The following SLC35F4 variants were observed in gnomAD, a reference collection of about 807,000 sequenced individuals.
SLC35F4 encodes solute carrier family 35 member F4.
Under a neutral mutation model 44.2 loss-of-function variants are expected in SLC35F4, and 24 were observed. The ratio of observed to expected loss-of-function variants is 0.54; its 90% CI spans 0.39 to 0.76. SLC35F4 has a LOEUF of 0.76. Among genes scored for constraint, SLC35F4 ranks in the 30% least tolerant of loss-of-function variants. The pLI, the probability that SLC35F4 is intolerant of heterozygous loss-of-function variation, is 0.00. For missense variants in SLC35F4, 562 were observed against 586.1 expected, an observed-to-expected ratio of 0.96 and a Z score of 0.42; for synonymous variants, 238 against 223.6, an observed-to-expected ratio of 1.06 and a Z score of -0.57.
At chr14:57,823,245 C>T (rs371804072) in intron 1 of SLC35F4, among the ~76,000 whole-genome samples, 1 of 152,168 alleles carries the variant, frequency 6.6e-6, no homozygotes. Context: ...TCCCTTTTCT[C>T]TCCCCTTCTG....
At chr14:57,718,245 T>C (rs1477558866) in intron 1 of SLC35F4, among the ~76,000 whole-genome samples, 1 of 152,234 alleles carries the variant, frequency 6.6e-6, no homozygotes, top group East Asian at 1.9e-4. Context: ...CATTCCTCTG[T>C]TGATGGACAT....
At chr14:57,841,743 C>A (rs1885503293) in intron 1 of SLC35F4, among the ~76,000 whole-genome samples, 1 of 152,072 alleles carries the variant, frequency 6.6e-6, no homozygotes, top group Non-Finnish European at 1.5e-5. Flanking sequence ...AAACTACAAG[C>A]CACGTAGATC....
At chr14:57,974,424 A>C (rs1210668214), downstream of SLC35F4, among the ~76,000 whole-genome samples, 1 of 152,232 alleles carries the variant, frequency 6.6e-6, no homozygotes, top group Non-Finnish European at 1.5e-5. Context: ...CAGATTCAAA[A>C]GATGGGGAGT....
intron 1 of SLC35F4, among the ~76,000 whole-genome samples, chr14:57,790,934 C>A (rs145860799): frequency 6.6e-6 from 1 of 152,018 alleles, no homozygotes; most frequent in South Asian, 2.1e-4. Flanking sequence ...TAGCCGTATG[C>A]GGAAAACTGA....
intron 1 of SLC35F4, among the ~76,000 whole-genome samples, chr14:57,612,592 G>T (rs983765944): frequency 6.6e-6 from 1 of 152,102 alleles, no homozygotes; most frequent in Admixed American, 6.6e-5. Context: ...AATAGTCAGG[G>T]CTCTGTCTTA....
At chr14:57,649,050 G>A (rs2073669261) in intron 1 of SLC35F4, among the ~76,000 whole-genome samples, 1 of 152,060 alleles carries the variant, frequency 6.6e-6, no homozygotes, top group South Asian at 2.1e-4. Flanking sequence ...CTTTCAAGTG[G>A]CACTTAAGAT....
At chr14:57,866,888 C>CAA (rs937662917), upstream of SLC35F4, among the ~76,000 whole-genome samples, 9 of 151,260 alleles carry the variant, frequency 6.0e-5, no homozygotes, top group African/African-American at 2.2e-4. Flanking sequence ...GCCAGAGACC[C>CAA]AATGGGTTAG....
At chr14:57,980,456 G>A (rs900799109) in intron 1 of SLC35F4, among the ~76,000 whole-genome samples, 2 of 152,164 alleles carry the variant, frequency 1.3e-5, no homozygotes, top group African/African-American at 4.8e-5. Flanking sequence ...GGCTGTTAGT[G>A]TGTTCCATCC....
intron 1 of SLC35F4, among the ~76,000 whole-genome samples, chr14:57,759,461 T>C (rs1338858747): frequency 6.6e-6 from 1 of 152,056 alleles, no homozygotes; most frequent in Non-Finnish European, 1.5e-5. Flanking sequence ...ATGCCTGTGA[T>C]CCCAGCTACT....
At chr14:57,892,427 C>T (rs1888789299) in intron 1 of SLC35F4, among the ~76,000 whole-genome samples, 1 of 152,186 alleles carries the variant, frequency 6.6e-6, no homozygotes, top group Admixed American at 6.5e-5. Flanking sequence ...TGGAATCAGC[C>T]TGCTGAGGGT....
At chr14:57,742,513 A>G (rs2076637804) in intron 1 of SLC35F4, among the ~76,000 whole-genome samples, 2 of 152,240 alleles carry the variant, frequency 1.3e-5, no homozygotes, top group Admixed American at 6.5e-5. Context: ...CAATTCAACA[A>G]GAAGAGCTAA....
In SLC35F4 at chr14:57,946,734, T is replaced by C. The variant is rs560403680; in HGVS notation, n.282+35179A>G. Among the ~76,000 whole-genome samples the C allele has an allele frequency of 5.9e-5, 9 of 152,062 alleles. 1 individual carries two copies. Among genetic ancestry groups the C allele is most frequent in the Admixed American group, 5.9e-4 (9 of 15,274 alleles). On this transcript the variant is annotated intron_variant and non_coding_transcript_variant, in intron 1 of 1. Transcript: ENST00000556568. ...CAAGTGATCTACCTGCCTTGGCCTC[T>C]CACAGTGCTGGGATTACAGGCATGA...
At chr14:57,757,033 T>C (rs2077010825) in intron 1 of SLC35F4, among the ~76,000 whole-genome samples, 2 of 152,318 alleles carry the variant, frequency 1.3e-5, no homozygotes, top group South Asian at 4.1e-4. Context: ...CATTTCTCTT[T>C]GCAATTCTCT....
chr14:57,867,601 C>CA (rs967744257), upstream of SLC35F4, among the ~76,000 whole-genome samples: 4 of 101,170 alleles, frequency 4.0e-5, no homozygotes, highest in Non-Finnish European at 6.0e-5. Flanking sequence ...TATGCCTTTA[C>CA]ACCCCCCCCC....
chr14:57,668,991 C>A (rs1044806971), intron 1 of SLC35F4, among the ~76,000 whole-genome samples: 1 of 151,976 alleles, frequency 6.6e-6, no homozygotes, highest in Non-Finnish European at 1.5e-5. Context: ...TTGTTTGTAT[C>A]CTCTTTTATT....
chr14:57,579,494 C>T (rs78429290), intron 4 of SLC35F4: 4 of 152,092 alleles, frequency 2.6e-5, no homozygotes, highest in East Asian at 1.9e-4. Context: ...TTTAATACAA[C>T]GGATTTTATT....
chr14:57,597,362 CAGA>C (rs915906224), intron 1 of SLC35F4, among the ~76,000 whole-genome samples: 1 of 152,136 alleles, frequency 6.6e-6, no homozygotes, highest in African/African-American at 2.4e-5. Flanking sequence ...TTATTTGGCC[CAGA>C]AGGAGAATAT....
At chr14:57,926,137 T>C (rs1407122736) in intron 1 of SLC35F4, among the ~76,000 whole-genome samples, 1 of 152,332 alleles carries the variant, frequency 6.6e-6, no homozygotes, top group African/African-American at 2.4e-5. Flanking sequence ...ACAGAGGCCA[T>C]GGCTATCCCA....
intron 1 of SLC35F4, among the ~76,000 whole-genome samples, chr14:57,741,963 AG>A (rs1207618714): frequency 2.6e-5 from 4 of 152,188 alleles, no homozygotes; most frequent in African/African-American, 7.2e-5. Context: ...ATTTCATATC[AG>A]GCCAAACTAC....
Sources: allele counts gnomAD v4.1 joint callset (sites outside exome capture counted in the v4.1 genomes callset), GRCh38; gene constraint gnomAD v4.1.1; transcripts MANE v1.5; gene names NCBI Gene and HGNC (gene_info 2026-07-23, HGNC 2026-07-21).